ANKRD26: variants seen among roughly 807,000 people sequenced by gnomAD.
ANKRD26 encodes ankyrin repeat domain 26.
A neutral mutation model predicts 208.7 loss-of-function variants in ANKRD26; 141 were observed. That is an observed-to-expected ratio of 0.68 (90% CI 0.59 to 0.78). The LOEUF is 0.78. Among genes scored for constraint, ANKRD26 ranks in the 30% least tolerant of loss-of-function variants. ANKRD26 has a pLI of 0.00. For synonymous variants in ANKRD26, 636 were observed against 660.4 expected, an observed-to-expected ratio of 0.96 and a Z score of 0.57; for missense variants, 1,889 against 1,938.7, an observed-to-expected ratio of 0.97 and a Z score of 0.48.
chr10:27,083,762 A>G (rs955327694), intron 5 of ANKRD26, among the ~76,000 whole-genome samples: 1 of 152,224 alleles, frequency 6.6e-6, no homozygotes, highest in Non-Finnish European at 1.5e-5. Flanking sequence ...TATCCTGTAT[A>G]TAAGAGGCCA....
intron 9 of ANKRD26, among the ~76,000 whole-genome samples, chr10:27,074,418 C>T (rs1405459699): frequency 2.6e-5 from 4 of 152,200 alleles, no homozygotes; most frequent in South Asian, 2.1e-4. Flanking sequence ...TGGTGGCTCA[C>T]GGCTGCAATC....
downstream of ANKRD26, among the ~76,000 whole-genome samples, chr10:27,002,041 A>T (rs2052736918): frequency 6.6e-6 from 1 of 152,216 alleles, no homozygotes; most frequent in Non-Finnish European, 1.5e-5. Flanking sequence ...CAGAGTCAGG[A>T]GGCAACCATA....
chr10:27,092,597 C>G, intron 3 of ANKRD26, 85 bp from the exon 4 acceptor site: 1 of 987,562 alleles, frequency 1.0e-6, no homozygotes, highest in Non-Finnish European at 1.6e-6. Context: ...ATCCTTTGAA[C>G]TGAAACATAT....
chr10:26,954,079 A>C, the ANKRD26 span, among the ~76,000 whole-genome samples: 1 of 152,208 alleles, frequency 6.6e-6, no homozygotes, highest in Admixed American at 6.5e-5. Context: ...GTGAATGTTA[A>C]AATCTGCCAC....
chr10:27,050,917 G>T, intron 16 of ANKRD26: 2 of 514,296 alleles, frequency 3.9e-6, no homozygotes, highest in Non-Finnish European at 2.9e-6. Flanking sequence ...TACTTAGATA[G>T]CAGAATAATA....
At chr10:27,091,908 A>C (rs1473242229) in intron 4 of ANKRD26, among the ~76,000 whole-genome samples, 1 of 151,654 alleles carries the variant, frequency 6.6e-6, no homozygotes, top group Non-Finnish European at 1.5e-5. Flanking sequence ...AATCGCTTGA[A>C]CCCAGGAGGT....
Position 27,005,220 on chromosome 10 carries a change from C to T in ANKRD26, c.*370G>A. 1 of 1,005,774 alleles carries T rather than the reference C, an allele frequency of 9.9e-7. No homozygotes were observed. The highest frequency in any genetic ancestry group is 5.7e-5 in the Admixed American group (1 of 17,586). The allele number at this position is 1,005,774 out of a possible 1,614,324, so 62.3% of individuals were successfully genotyped here. On this transcript the variant is annotated 3_prime_UTR_variant, in exon 34 of 34. Transcript: ENST00000376087. ...CCAAACATGAACAATGACCACAGTTCCTGCACAACAAAATGATGTCTAAGT... is the reference window on the plus strand; with the variant it reads ...CCAAACATGAACAATGACCACAGTTTCTGCACAACAAAATGATGTCTAAGT...
chr10:26,979,647 G>A lies in ANKRD26; in HGVS notation c.*281+929C>T, dbSNP rs558393133. Among the ~76,000 whole-genome samples the A allele has an allele frequency of 5.1e-4, 78 of 152,288 alleles. No individual in the cohort carries two copies. The South Asian group carries it at 9.9e-3, about 19-fold the overall frequency. On this transcript the variant is annotated intron_variant and NMD_transcript_variant, in intron 5 of 5. Coordinates refer to the ANKRD26 transcript ENST00000674670. ...TCAAGTAAGGCAATGGAGAGCTCAC[G>A]TTATGATTATATTAATCTTTCCCAA...
At chr10:26,956,667 G>T in the ANKRD26 span, among the ~76,000 whole-genome samples, 1 of 151,846 alleles carries the variant, frequency 6.6e-6, no homozygotes, top group African/African-American at 2.4e-5. Flanking sequence ...ACTTAGGTTT[G>T]TAAATTTGTT....
intron 32 of ANKRD26, among the ~76,000 whole-genome samples, chr10:27,007,869 A>G (rs1055105628): frequency 2.6e-5 from 4 of 152,138 alleles, no homozygotes; most frequent in African/African-American, 4.8e-5. Flanking sequence ...TTATTCATGT[A>G]AACACAAAAT....
chr10:26,981,063 T>C (rs1013169303), intron 4 of ANKRD26, among the ~76,000 whole-genome samples: 4 of 152,236 alleles, frequency 2.6e-5, no homozygotes, highest in Middle Eastern at 3.4e-3. Flanking sequence ...TCCATCCTAG[T>C]TCCCAGGTAC....
At chr10:26,958,229 C>T in the ANKRD26 span, among the ~76,000 whole-genome samples, 1 of 152,092 alleles carries the variant, frequency 6.6e-6, no homozygotes, top group South Asian at 2.1e-4. Flanking sequence ...ATTATAGGTG[C>T]GTGCCAGCAT....
chr10:26,971,331 C>T (rs957466398), downstream of ANKRD26, among the ~76,000 whole-genome samples: 2 of 152,016 alleles, frequency 1.3e-5, no homozygotes, highest in East Asian at 1.9e-4. Context: ...TACAGTGAGC[C>T]GAGATTGCTC....
rs189476182 is a variant in ANKRD26, at chr10:26,994,505, C to T, written c.*29+536G>A. On this transcript the variant is annotated intron_variant, in intron 5 of 5. Coordinates refer to the ANKRD26 transcript ENST00000445828. ...GAGACAGGTATCCCCCTTTCTGTTT[C>T]CAAGTAGATTTCCCTCTCGTTTGGG... Among the ~76,000 whole-genome samples, 35 of 152,178 alleles carry T rather than the reference C, an allele frequency of 2.3e-4. No individual in the cohort carries two copies. The East Asian group carries it at 6.8e-3, about 29-fold the overall frequency.
At chr10:27,030,801 T>C (rs2053840388) in intron 25 of ANKRD26, among the ~76,000 whole-genome samples, 1 of 152,102 alleles carries the variant, frequency 6.6e-6, no homozygotes, top group Non-Finnish European at 1.5e-5. Flanking sequence ...CTTTATTATA[T>C]CAATGTCTCA....
At chr10:27,071,895 C>T (rs2055516662) in intron 9 of ANKRD26, among the ~76,000 whole-genome samples, 1 of 152,224 alleles carries the variant, frequency 6.6e-6, no homozygotes, top group South Asian at 2.1e-4. Context: ...ACATTGCATG[C>T]ATTCCCTGAC....
the ANKRD26 span, among the ~76,000 whole-genome samples, chr10:26,967,304 A>G: frequency 2.0e-5 from 3 of 152,252 alleles, no homozygotes; most frequent in Non-Finnish European, 4.4e-5. Context: ...TGAAGCCCAG[A>G]AAAGCTAAAG....
intron 29 of ANKRD26, among the ~76,000 whole-genome samples, chr10:27,022,159 C>A (rs2053511251): frequency 6.6e-6 from 1 of 152,096 alleles, no homozygotes; most frequent in South Asian, 2.1e-4. Flanking sequence ...TAAACTAACA[C>A]AGGAAGAGAA....
In ANKRD26 at chr10:27,040,062, C is replaced by T. The variant is rs770025611; in HGVS notation, c.2278G>A (p.Val760Ile). The change falls in exon 21 of 34, where the codon GTT becomes ATT. Residue 760 changes from valine (V) to isoleucine (I), a missense_variant. Transcript: ENST00000376087. ...GATAGCTCCCTTTGTAGTACATTAA[C>T]CTTGTCTTCCATTTTTTTAATTTTT... ...TVKIKKMEDKVNVLQRELSET... is the reference protein window; with the variant it reads ...TVKIKKMEDKINVLQRELSET... 1.1e-5 allele frequency: 18 copies of T among 1,613,278 alleles called. No homozygotes were observed. Among genetic ancestry groups the T allele is most frequent in the South Asian group, 2.2e-5 (2 of 91,058 alleles).
Sources: allele counts gnomAD v4.1 joint callset (sites outside exome capture counted in the v4.1 genomes callset), GRCh38; gene constraint gnomAD v4.1.1; transcripts MANE v1.5; gene names NCBI Gene and HGNC (gene_info 2026-07-23, HGNC 2026-07-21).